WDR36: variants seen among roughly 807,000 people sequenced by gnomAD.
The protein encoded by WDR36 is WD repeat domain 36.
Under a neutral mutation model 112.7 loss-of-function variants are expected in WDR36, and 63 were observed. The observed-to-expected ratio is 0.56, with a 90% CI of 0.46 to 0.69. The LOEUF is 0.69. Ranked by LOEUF, WDR36 falls within the 30% of genes least tolerant of loss-of-function variation. WDR36 has a pLI of 0.00. For synonymous variants in WDR36, 410 were observed against 362.2 expected, an observed-to-expected ratio of 1.13 and a Z score of -1.50; for missense variants, 1,226 against 1,070.3, an observed-to-expected ratio of 1.15 and a Z score of -2.03.
rs768161477 is a variant in WDR36 at position 111,092,488 on chromosome 5, G to A, written c.32G>A (p.Ser11Asn). 2 of 1,614,140 alleles carry A rather than the reference G, an allele frequency of 1.2e-6. No individual in the cohort carries two copies. Among genetic ancestry groups the A allele is most frequent in the Admixed American group, 1.7e-5 (1 of 60,016 alleles). ...CGGGCCTCAGAAAGGCGCACGGCCA[G>A]CGCGCTTTTTGCGGGGTTCCGGGCC... MERASERRTA[S>N]ALFAGFRALG... The change falls in exon 1 of 23, where the codon AGC becomes AAC. Residue 11 changes from serine to asparagine, a missense_variant. Physicochemically the swap from Ser to Asn is conservative, Grantham distance 46. Coordinates refer to ENST00000513710, the MANE Select transcript of WDR36 (RefSeq NM_139281.3).
intron 3 of WDR36, 46 bp from the exon 4 acceptor site, chr5:111,098,676 A>T: frequency 8.3e-7 from 1 of 1,197,974 alleles, no homozygotes; most frequent in Non-Finnish European, 1.2e-6. Context: ...ATATGACATG[A>T]TGACTGAGTA....
chr5:111,099,463 G>GTTTTTTTTTTTTTTTTTTTTTTTTT (rs67437234), intron 4 of WDR36, among the ~76,000 whole-genome samples: 11 of 84,964 alleles, frequency 1.3e-4, no homozygotes, highest in Non-Finnish European at 2.0e-4. Context: ...TTTTTTTTTT[G>GTTTTTTTTTTTTTTTTTTTTTTTTT]TTTTTTTTTT....
chr5:111,119,737 T>C (rs1182830651), intron 17 of WDR36, among the ~76,000 whole-genome samples: 1 of 152,036 alleles, frequency 6.6e-6, no homozygotes, highest in African/African-American at 2.4e-5. Flanking sequence ...AATTATAAAA[T>C]GTTATAATTA....
intron 16 of WDR36, among the ~76,000 whole-genome samples, chr5:111,117,028 A>G (rs1456305649): frequency 6.6e-6 from 1 of 152,104 alleles, no homozygotes; most frequent in Non-Finnish European, 1.5e-5. Context: ...TCATCTCTGG[A>G]TTGTTTGGAT....
intron 2 of WDR36, among the ~76,000 whole-genome samples, chr5:111,096,478 CA>C (rs1450263207): frequency 1.3e-5 from 2 of 152,072 alleles, no homozygotes; most frequent in Non-Finnish European, 2.9e-5. Flanking sequence ...CCGAGGTGGG[CA>C]GATCACCTGA....
chr5:111,119,240 T>A, intron 17 of WDR36, 120 bp downstream of exon 17: 1 of 794,122 alleles, frequency 1.3e-6, no homozygotes, highest in Non-Finnish European at 2.2e-6. Context: ...TGTCACAAGT[T>A]AACACAGATA....
chr5:111,106,865 G>A (rs541899323), intron 11 of WDR36, among the ~76,000 whole-genome samples: 9 of 151,194 alleles, frequency 6.0e-5, no homozygotes, highest in Admixed American at 2.0e-4. Context: ...GCTGTCCTCC[G>A]TTTTGTTCAT....
At chr5:111,107,914 A>G (rs377747791) in intron 12 of WDR36, among the ~76,000 whole-genome samples, 3 of 151,446 alleles carry the variant, frequency 2.0e-5, no homozygotes, top group African/African-American at 7.2e-5. Context: ...GAAATCAGGA[A>G]GTGTGACTTC....
chr5:111,099,357 C>T (rs1267792433), intron 4 of WDR36, among the ~76,000 whole-genome samples: 2 of 151,738 alleles, frequency 1.3e-5, no homozygotes, highest in Non-Finnish European at 2.9e-5. Context: ...CTACACCTTT[C>T]CTCAATAAAA....
chr5:111,118,028 A>G (rs1330744953), intron 16 of WDR36, among the ~76,000 whole-genome samples: 1 of 152,140 alleles, frequency 6.6e-6, no homozygotes, highest in East Asian at 1.9e-4. Flanking sequence ...TCTCTGTTCA[A>G]ATATATTCTG....
rs934846421 is a variant in WDR36, at chr5:111,128,684, T to C, written c.*1801T>C. The stretch of plus-strand genomic sequence containing the variant: ...CTTAAGTGTATTGTTACCAGAGATA[T>C]ATTTAGATAGAATACATCATTTTGG... On this transcript the variant is annotated 3_prime_UTR_variant, in exon 23 of 23. Transcript: ENST00000513710. 5 of 182,396 alleles carry C rather than the reference T, an allele frequency of 2.7e-5. No homozygotes were observed. Among genetic ancestry groups the C allele is most frequent in the South Asian group, 2.0e-4 (1 of 5,086 alleles). The allele number at this position is 182,396 out of a possible 1,614,324, so 11.3% of individuals were successfully genotyped here.
chr5:111,115,058 A>G (rs978157415), intron 16 of WDR36, among the ~76,000 whole-genome samples: 37 of 152,218 alleles, frequency 2.4e-4, no homozygotes, highest in African/African-American at 8.4e-4. Context: ...CAAATCTGAT[A>G]GATTTTCAGC....
At position 111,098,022 on chromosome 5, in the gene WDR36, T is replaced by A. The variant is rs561093924; in HGVS notation, c.292-700T>A. Among the ~76,000 whole-genome samples, 10 of 152,356 alleles carry A rather than the reference T, an allele frequency of 6.6e-5. No homozygotes were observed. In the East Asian group the frequency reaches 1.9e-3, roughly 29 times the overall value. Reference sequence around the variant, plus strand: ...TTACATGAGGAGACTTTATCCTATATGTATAACCTATATGTGGTTCAGATG... The same window carrying A: ...TTACATGAGGAGACTTTATCCTATAAGTATAACCTATATGTGGTTCAGATG... On this transcript the variant is annotated intron_variant, in intron 3 of 22. Coordinates refer to ENST00000513710, the MANE Select transcript of WDR36 (RefSeq NM_139281.3).
chr5:111,100,239 CCTGT>C (rs1753095217), intron 4 of WDR36, among the ~76,000 whole-genome samples: 1 of 151,948 alleles, frequency 6.6e-6, no homozygotes, highest in South Asian at 2.1e-4. Flanking sequence ...AATATTCACT[CCTGT>C]CTGTTGATCA....
At chr5:111,117,866 T>C (rs1313212085) in intron 16 of WDR36, among the ~76,000 whole-genome samples, 1 of 152,192 alleles carries the variant, frequency 6.6e-6, no homozygotes, top group African/African-American at 2.4e-5. Context: ...CTATTCTCGC[T>C]TTTAGCCAGC....
At chr5:111,093,032 T>C (rs746639834) in intron 1 of WDR36, among the ~76,000 whole-genome samples, 1 of 152,218 alleles carries the variant, frequency 6.6e-6, no homozygotes, top group Non-Finnish European at 1.5e-5. Context: ...GTAGAATACA[T>C]TGGGAGAACC....
intron 7 of WDR36, 120 bp from the exon 8 acceptor site, chr5:111,104,057 T>C (rs1753172515): frequency 1.4e-6 from 2 of 1,380,790 alleles, no homozygotes; most frequent in Non-Finnish European, 2.0e-6. Context: ...GAAATATGAA[T>C]AGATTATTGG....
Position 111,111,192 on chromosome 5 carries a change from G to A in WDR36, c.1630G>A (p.Asp544Asn). 6.2e-7 allele frequency: 1 copy of A among 1,611,840 alleles called. No individual in the cohort carries two copies. Among genetic ancestry groups the A allele is most frequent in the South Asian group, 1.1e-5 (1 of 91,042 alleles). ...TAGTGGCATTCTGGGACTCGCCTTG[G>A]ATGACTTCTCCATTAGTGTTCTGGA... Reference protein sequence around the residue: ...RDSGILGLALDDFSISVLDIE... With the variant: ...RDSGILGLALNDFSISVLDIE... Residue 544 changes from aspartate (D) to asparagine (N), a missense_variant, in exon 15 of 23, where the codon GAT (aspartate) becomes AAT (asparagine). Physicochemically the swap from Asp to Asn is conservative, Grantham distance 23 (BLOSUM62 1). Transcript: ENST00000513710.
At chr5:111,092,704 C>A in intron 1 of WDR36, 86 bp downstream of exon 1, 1 of 1,416,482 alleles carries the variant, frequency 7.1e-7, no homozygotes. Flanking sequence ...TTCTCCCTTC[C>A]CATTTACCAC....
Sources: gnomAD v4.1 joint callset for allele counts (sites outside exome capture counted in the v4.1 genomes callset) on GRCh38, gnomAD v4.1.1 for gene constraint, MANE v1.5 for transcripts, NCBI Gene and HGNC (gene_info 2026-07-23, HGNC 2026-07-21) for gene names.